The following FRMD3 variants were observed in gnomAD, a reference collection of about 807,000 sequenced individuals.
FRMD3 encodes the protein FERM domain-containing protein 3.
Under a neutral mutation model 70.2 loss-of-function variants are expected in FRMD3, and 33 were observed. That is an observed-to-expected ratio of 0.47 (90% confidence interval 0.36 to 0.63). FRMD3 has a LOEUF of 0.63. Ranked by LOEUF, FRMD3 falls within the 20% of genes least tolerant of loss-of-function variation. FRMD3 has a pLI of 0.00. For synonymous variants in FRMD3, 279 were observed against 255.9 expected (o/e 1.09, Z -0.86); for missense variants, 632 against 711.4 (o/e 0.89, Z 1.27).
intron 1 of FRMD3, among the ~76,000 whole-genome samples, chr9:83,415,160 T>C (rs1394094876): frequency 6.6e-6 from 1 of 152,056 alleles, no homozygotes; most frequent in Non-Finnish European, 1.5e-5. Flanking sequence ...AGGGGAGAAA[T>C]ACTCAGGCCT....
chr9:83,566,101 G>A, the FRMD3 span, among the ~76,000 whole-genome samples: 16 of 152,318 alleles, frequency 1.1e-4, no homozygotes, highest in South Asian at 3.3e-3. Context: ...ACCCGAGACT[G>A]AGAAGAAAAA....
chr9:83,370,080 C>T (rs1824921187), intron 3 of FRMD3, among the ~76,000 whole-genome samples: 2 of 152,126 alleles, frequency 1.3e-5, no homozygotes, highest in South Asian at 2.1e-4. Context: ...GAGAGAAGAA[C>T]CTGAAGGCCT....
At chr9:83,258,061 C>A (rs896103645) in intron 13 of FRMD3, among the ~76,000 whole-genome samples, 1 of 152,090 alleles carries the variant, frequency 6.6e-6, no homozygotes, top group Non-Finnish European at 1.5e-5. Context: ...AAAAGACTGC[C>A]CGTTGATGAC....
chr9:83,496,257 A>G (rs916223558), intron 1 of FRMD3, among the ~76,000 whole-genome samples: 2 of 152,270 alleles, frequency 1.3e-5, no homozygotes, highest in Non-Finnish European at 2.9e-5. Flanking sequence ...TATAAATAGT[A>G]TGAGACTATT....
At chr9:83,392,699 G>A (rs1319253375) in intron 1 of FRMD3, among the ~76,000 whole-genome samples, 4 of 152,244 alleles carry the variant, frequency 2.6e-5, no homozygotes, top group South Asian at 2.1e-4. Flanking sequence ...CCACAAGCCC[G>A]CACAGCACTA....
intron 1 of FRMD3, among the ~76,000 whole-genome samples, chr9:83,523,198 G>A (rs1012479352): frequency 1.4e-5 from 2 of 143,432 alleles, no homozygotes; most frequent in African/African-American, 2.9e-5. Context: ...ATGGATGGAC[G>A]GACGGACGGA....
In FRMD3 at chr9:83,351,736, T is replaced by C. The variant is rs539567364; in HGVS notation, c.296-1979A>G. On this transcript the variant is annotated intron_variant, in intron 3 of 13. Coordinates refer to ENST00000304195, the MANE Select transcript of FRMD3 (RefSeq NM_174938.6). ...AGATAGATAGATAGATAGATAGACA[T>C]GCCATCCTGCTTCATTATTCACTTT... is the stretch of plus-strand genomic sequence containing the variant. Among the ~76,000 whole-genome samples, 101 of 104,588 alleles carry C rather than the reference T, an allele frequency of 9.7e-4. 1 individual carries two copies. The highest frequency in any genetic ancestry group is 3.9e-3 in the African/African-American group (99 of 25,502). The allele number at this position is 104,588 out of a possible 152,430, so 68.6% of individuals were successfully genotyped here.
intron 1 of FRMD3, among the ~76,000 whole-genome samples, chr9:83,488,972 T>G (rs926460059): frequency 7.4e-6 from 1 of 135,538 alleles, no homozygotes; most frequent in Admixed American, 7.5e-5. Context: ...CCCTATACCT[T>G]TGTGTGTGTG....
rs537311985 is a variant in FRMD3, at chr9:83,260,006, G to A, written c.1196-11490C>T. On this transcript the variant is annotated intron_variant, in intron 13 of 13. Coordinates refer to ENST00000304195, the MANE Select transcript of FRMD3 (RefSeq NM_174938.6). ...GGACTCAGGTTCCCAGCTAAGCCACGGCTATCTGAACAACATTAGGCATGC... is the reference window on the plus strand; with the variant it reads ...GGACTCAGGTTCCCAGCTAAGCCACAGCTATCTGAACAACATTAGGCATGC... Among the ~76,000 whole-genome samples the A allele has an allele frequency of 1.1e-4, 17 of 152,198 alleles. No homozygotes were observed. In the South Asian group the frequency reaches 2.3e-3, roughly 20 times the overall value.
chr9:83,422,299 C>T lies in FRMD3; in HGVS notation c.148-32591G>A, dbSNP rs549644010. 2.0e-5 allele frequency among the ~76,000 whole-genome samples: 3 copies of T among 152,222 alleles called. No homozygotes were observed. In the South Asian group the frequency reaches 6.2e-4, roughly 32 times the overall value. On this transcript the variant is annotated intron_variant, in intron 1 of 13. Transcript: ENST00000304195. The stretch of plus-strand genomic sequence containing the variant: ...TCAAGAGACCTATAAGTCAAAAGAT[C>T]CAAGTTCCTAACCTGACTCTTCCAC...
At chr9:83,283,530 CAAAAAAA>C (rs765093024) in intron 13 of FRMD3, among the ~76,000 whole-genome samples, 13 of 132,256 alleles carry the variant, frequency 9.8e-5, no homozygotes, top group South Asian at 2.3e-4. Flanking sequence ...GAATCCATCT[CAAAAAAA>C]AAAAAAAAAA....
chr9:83,328,181 T>TAA (rs373851850), intron 6 of FRMD3, among the ~76,000 whole-genome samples: 214 of 143,402 alleles, frequency 1.5e-3, no homozygotes, highest in Middle Eastern at 7.0e-3. Flanking sequence ...TCCTTATCTG[T>TAA]AAAAAAAAAA....
chr9:83,581,353 G>A, the FRMD3 span, among the ~76,000 whole-genome samples: 1 of 152,120 alleles, frequency 6.6e-6, no homozygotes, highest in Non-Finnish European at 1.5e-5. Flanking sequence ...TGACCAATAA[G>A]CACATGAAGA....
At chr9:83,292,631 C>T (rs1266749828) in intron 12 of FRMD3, among the ~76,000 whole-genome samples, 3 of 152,014 alleles carry the variant, frequency 2.0e-5, no homozygotes, top group Admixed American at 6.6e-5. Flanking sequence ...TTCATAACTA[C>T]CCCCAACTTT....
At chr9:83,469,893 C>G (rs1828226941) in intron 1 of FRMD3, among the ~76,000 whole-genome samples, 1 of 152,220 alleles carries the variant, frequency 6.6e-6, no homozygotes. Context: ...TGCTGGTCCA[C>G]TAGTTCTCAA....
intron 1 of FRMD3, among the ~76,000 whole-genome samples, chr9:83,468,905 T>C (rs1828199919): frequency 6.6e-6 from 1 of 152,168 alleles, no homozygotes; most frequent in Non-Finnish European, 1.5e-5. Context: ...GCTAGCCATA[T>C]AATGGCCGTG....
chr9:83,297,475 T>A, intron 12 of FRMD3: 1 of 230,478 alleles, frequency 4.3e-6, no homozygotes, highest in Non-Finnish European at 8.8e-6. Context: ...AGTTTCTTTG[T>A]CTACAAAACA....
intron 1 of FRMD3, among the ~76,000 whole-genome samples, chr9:83,447,025 TTTG>T (rs1445590434): frequency 6.6e-6 from 1 of 151,270 alleles, no homozygotes; most frequent in Non-Finnish European, 1.5e-5. Context: ...TTTGTTTTGT[TTTG>T]TTTTGTTTTG....
intron 1 of FRMD3, among the ~76,000 whole-genome samples, chr9:83,525,245 G>A (rs752468800): frequency 1.3e-5 from 2 of 152,118 alleles, no homozygotes; most frequent in Non-Finnish European, 2.9e-5. Flanking sequence ...CTGTTAACAC[G>A]TTAATTGCTT....
Sources: gnomAD v4.1 joint callset for allele counts (sites outside exome capture counted in the v4.1 genomes callset) on GRCh38, gnomAD v4.1.1 for gene constraint, MANE v1.5 for transcripts, NCBI Gene and HGNC (gene_info 2026-07-23, HGNC 2026-07-21) for gene names.